The following PDE9A variants were observed in gnomAD, a reference collection of about 807,000 sequenced individuals.
PDE9A encodes high affinity cGMP-specific 3',5'-cyclic phosphodiesterase 9A.
Under a neutral mutation model 87.4 loss-of-function variants are expected in PDE9A, and 60 were observed. The ratio of observed to expected loss-of-function variants is 0.69; its 90% confidence interval spans 0.56 to 0.85. The LOEUF (loss-of-function observed/expected upper bound fraction) is 0.85, where lower values mean the gene tolerates loss of function less well. PDE9A is among the 40% of genes least tolerant of loss of function. The pLI is 0.00. For synonymous variants in PDE9A, 272 were observed against 279.4 expected, an observed-to-expected ratio of 0.97 and a Z score of 0.27; for missense variants, 665 against 779.0, an observed-to-expected ratio of 0.85 and a Z score of 1.74.
chr21:42,654,728 G>C (rs1026948616), intron 1 of PDE9A, among the ~76,000 whole-genome samples: 5 of 152,212 alleles, frequency 3.3e-5, no homozygotes, highest in African/African-American at 9.7e-5. Context: ...GCAGGTGCCG[G>C]CCAGGCTTGA....
In PDE9A at chr21:42,702,027, T is replaced by C. The variant is rs552821675; in HGVS notation, c.262+3016T>C. 6.6e-6 allele frequency among the ~76,000 whole-genome samples: 1 copy of C among 152,286 alleles called. No individual in the cohort carries two copies. The highest frequency in any genetic ancestry group is 2.4e-5 in the African/African-American group (1 of 41,560). On this transcript the variant is annotated intron_variant, in intron 4 of 19. Coordinates refer to ENST00000291539, the MANE Select transcript of PDE9A (RefSeq NM_002606.3). The surrounding 1 kb of genome is among the most constrained non-coding windows in gnomAD (Gnocchi z 4.9). ...TGATCTTCTTGGAACTTTGGGATCA[T>C]ATTTTTCATGAAATTTGGAATTTTT...
At chr21:42,748,485 G>C (rs568998861) in intron 8 of PDE9A, among the ~76,000 whole-genome samples, 1 of 152,230 alleles carries the variant, frequency 6.6e-6, no homozygotes, top group East Asian at 1.9e-4. Context: ...GCAGCATGCC[G>C]AGAAAATAAC....
chr21:42,731,931 G>C lies in PDE9A; in HGVS notation c.424G>C (p.Gly142Arg), dbSNP rs2051812603. ...PREPQGCYQE[G>R]QRIPPEREEL... ...AGAGCCCCAGGGCTGCTACCAGGAA[G>C]GCCAGCGCATCCCTCCAGGTAACGG... Residue 142 changes from glycine to arginine, a missense_variant, in exon 5 of 20, where the codon GGC becomes CGC. By Grantham distance (125) the Gly-to-Arg change is moderately radical. Coordinates refer to ENST00000291539, the MANE Select transcript of PDE9A (RefSeq NM_002606.3). 6.2e-7 allele frequency: 1 copy of C among 1,613,766 alleles called. No individual in the cohort carries two copies. The highest frequency in any genetic ancestry group is 8.5e-7 in the Non-Finnish European group (1 of 1,179,840).
chr21:42,686,170 T>C (rs1018196077), intron 1 of PDE9A, 22 bp from the exon 2 acceptor site: 2 of 1,607,684 alleles, frequency 1.2e-6, no homozygotes, highest in Admixed American at 3.3e-5. Flanking sequence ...CGCTGCCGCC[T>C]CACCGCGCTT....
Position 42,759,529 on chromosome 21 carries a change from CGT to C in PDE9A, c.897+456_897+457del, listed in dbSNP as rs147103168. 2.5e-4 allele frequency among the ~76,000 whole-genome samples: 33 copies of C among 134,124 alleles called. 1 individual carries two copies. The highest frequency in any genetic ancestry group is 4.8e-3 in the Middle Eastern group (1 of 210). 88.0% of individuals were successfully genotyped at this position (134,124 alleles called of 152,430 possible). On this transcript the variant is annotated intron_variant, in intron 11 of 19. Transcript: ENST00000291539. This position sits in a 1 kb window ranked among gnomAD's most constrained non-coding sequence, Gnocchi z 7.2. ...GTGTGTGGATGTAAATGTGTGGGAGCGTGTGTGTGTGTGAGTGTGGGGTGTGG... is the reference window on the plus strand; with the variant it reads ...GTGTGTGGATGTAAATGTGTGGGAGCGTGTGTGTGTGAGTGTGGGGTGTGG...
At chr21:42,682,961 G>A (rs1602024418) in intron 1 of PDE9A, among the ~76,000 whole-genome samples, 1 of 152,232 alleles carries the variant, frequency 6.6e-6, no homozygotes, top group East Asian at 1.9e-4. Context: ...GGGGAGGAAG[G>A]AGAGCAGATG....
At chr21:42,680,792 T>G (rs1318761025) in intron 1 of PDE9A, among the ~76,000 whole-genome samples, 1 of 152,198 alleles carries the variant, frequency 6.6e-6, no homozygotes, top group East Asian at 1.9e-4. Context: ...CCCGCCTTTC[T>G]GAAGGTCAAG....
chr21:42,753,515 T>C (rs944208033), intron 9 of PDE9A, among the ~76,000 whole-genome samples: 2 of 152,154 alleles, frequency 1.3e-5, no homozygotes, highest in African/African-American at 2.4e-5. Context: ...ACCCGTAGCA[T>C]TGGCCCTTTC....
intron 3 of PDE9A, chr21:42,689,991 G>A (rs990421449): frequency 1.0e-6 from 1 of 985,348 alleles, no homozygotes; most frequent in Non-Finnish European, 1.2e-6. Flanking sequence ...GAAGAAGATG[G>A]AGACACACGC....
chr21:42,741,408 T>G (rs1488106955), intron 7 of PDE9A: 2 of 152,160 alleles, frequency 1.3e-5, no homozygotes, highest in Non-Finnish European at 2.9e-5. Context: ...GGACTCTTAG[T>G]GGTTGGACAA....
rs78516020 is a variant in PDE9A, at chr21:42,707,177, A to C, written c.262+8166A>C. 7.4e-4 allele frequency among the ~76,000 whole-genome samples: 112 copies of C among 152,320 alleles called. 1 individual carries two copies. The East Asian group carries it at 0.021, about 29-fold the overall frequency. On this transcript the variant is annotated intron_variant, in intron 4 of 19. Coordinates refer to ENST00000291539, the MANE Select transcript of PDE9A (RefSeq NM_002606.3). Reference sequence around the variant, plus strand: ...ACATTGGATTAAATGAGATATTAAAAATTTTTTTAAAGTCTAGCCGTCTTG... The same window carrying C: ...ACATTGGATTAAATGAGATATTAAACATTTTTTTAAAGTCTAGCCGTCTTG...
At chr21:42,668,425 C>T (rs2058154861) in intron 1 of PDE9A, among the ~76,000 whole-genome samples, 1 of 152,214 alleles carries the variant, frequency 6.6e-6, no homozygotes, top group Non-Finnish European at 1.5e-5. Context: ...CATGTTCATG[C>T]AGCGAGAGTT....
At chr21:42,742,801 G>A (rs145814750) in intron 7 of PDE9A, among the ~76,000 whole-genome samples, 9 of 152,082 alleles carry the variant, frequency 5.9e-5, no homozygotes, top group Middle Eastern at 3.4e-3. Context: ...TTCCTGACTG[G>A]GGCCAGAAGA....
rs369993564 is a variant in PDE9A, at chr21:42,731,869, G to T, written c.362G>T (p.Gly121Val). ...VVGLEQPRRE[G>V]AFESGQVEPR... is the part of the protein sequence containing the mutation. The stretch of plus-strand genomic sequence containing the variant: ...GGCCTGGAGCAGCCCCGGAGGGAAG[G>T]AGCATTTGAAAGTGGACAGGTAGAG... The change falls in exon 5 of 20, where the codon GGA becomes GTA. Residue 121 changes from glycine (G) to valine (V), a missense_variant. Transcript: ENST00000291539. The T allele has an allele frequency of 4.3e-6, 7 of 1,614,082 alleles. No individual in the cohort carries two copies. In the African/African-American group the frequency reaches 8.0e-5, roughly 18 times the overall value.
intron 7 of PDE9A, chr21:42,741,117 G>A (rs10451851): frequency 0.26 from 39,960 of 151,680 alleles, 5,409 homozygotes; most frequent in East Asian, 0.45. Flanking sequence ...TGCCTTCCAC[G>A]TGTGAACCAG....
intron 1 of PDE9A, among the ~76,000 whole-genome samples, chr21:42,657,623 G>A (rs2057178888): frequency 1.3e-5 from 2 of 152,238 alleles, no homozygotes; most frequent in South Asian, 4.1e-4. Context: ...TGGGGAGCTG[G>A]AGGGGGTCCC....
intron 4 of PDE9A, among the ~76,000 whole-genome samples, chr21:42,707,778 C>G (rs1480404016): frequency 6.6e-6 from 1 of 152,214 alleles, no homozygotes; most frequent in African/African-American, 2.4e-5. Flanking sequence ...ATTTCCCTGA[C>G]AAAATAGGAA....
Position 42,698,971 on chromosome 21 carries a change from T to C in PDE9A, c.222T>C (p.Thr74=). ...DPTMPANSER[T]PYKVRPVAIK... ...GGCACTGTCTTCTCTTTTGCAGCAC[T>C]CCGTACAAAGTGAGACCTGTGGCCA... Residue 74 remains threonine (T), a synonymous_variant, in exon 4 of 20, where the codon ACT becomes ACC. Coordinates refer to ENST00000291539, the MANE Select transcript of PDE9A (RefSeq NM_002606.3). 6.2e-7 allele frequency: 1 copy of C among 1,612,836 alleles called. No homozygotes were observed. The highest frequency in any genetic ancestry group is 8.5e-7 in the Non-Finnish European group (1 of 1,178,874).
chr21:42,716,094 A>C (rs2049895016), intron 4 of PDE9A, among the ~76,000 whole-genome samples: 2 of 151,848 alleles, frequency 1.3e-5, no homozygotes, highest in South Asian at 4.2e-4. Flanking sequence ...AGCATATTCC[A>C]TGGTCTGTAT....
Sources: gnomAD v4.1 joint callset for allele counts (sites outside exome capture counted in the v4.1 genomes callset) on GRCh38, gnomAD v4.1.1 for gene constraint, Gnocchi (gnomAD v3.1) non-coding constraint, MANE v1.5 for transcripts, NCBI Gene and HGNC (gene_info 2026-07-23, HGNC 2026-07-21) for gene names.